The following S100A7A variants were observed in gnomAD, a reference collection of about 807,000 sequenced individuals.
S100A7A encodes the protein protein S100-A7A.
S100A7A carries 5 observed loss-of-function variants against 4.0 expected under a neutral mutation model. The observed-to-expected ratio is 1.26, with a 90% CI of 0.66 to 2.66. S100A7A has a LOEUF of 2.66. Ranked by LOEUF, S100A7A falls within the 30% of genes most tolerant of loss-of-function variation. The pLI, the probability that S100A7A is intolerant of heterozygous loss-of-function variation, is 0.01. For synonymous variants in S100A7A, 52 were observed against 46.4 expected, an observed-to-expected ratio of 1.12 and a Z score of -0.49; for missense variants, 159 against 125.1, an observed-to-expected ratio of 1.27 and a Z score of -1.29.
rs973030689 is a variant in S100A7A at position 153,420,415 on chromosome 1, A to G, written c.*1106A>G. ...CTTGAGGCTCACATCATGTGTCCCT[A>G]TCACTCTTACTACTCTGGTCAGTCT... is the stretch of plus-strand genomic sequence containing the variant. On this transcript the variant is annotated 3_prime_UTR_variant, in exon 3 of 3. Transcript: ENST00000368729. 13 of 152,176 alleles carry G rather than the reference A, an allele frequency of 8.5e-5. No homozygotes were observed. Among genetic ancestry groups the G allele is most frequent in the African/African-American group, 3.1e-4 (13 of 41,426 alleles). The allele number at this position is 152,176 out of a possible 1,614,324, so 9.4% of individuals were successfully genotyped here.
chr1:153,416,796 C>G (rs1040448681), intron 1 of S100A7A, among the ~76,000 whole-genome samples: 1 of 152,222 alleles, frequency 6.6e-6, no homozygotes, highest in African/African-American at 2.4e-5. Flanking sequence ...TGAGACAACT[C>G]CTGTGGAAAT....
chr1:153,421,780 G>A lies in S100A7A; in HGVS notation c.*2471G>A, dbSNP rs1329303699. The A allele has an allele frequency of 6.6e-6, 1 of 152,216 alleles. No individual in the cohort carries two copies. The highest frequency in any genetic ancestry group is 1.5e-5 in the Non-Finnish European group (1 of 68,036). The allele number at this position is 152,216 out of a possible 1,614,324, so 9.4% of individuals were successfully genotyped here. A position where few individuals can be genotyped will look rare whatever the true frequency, so the allele number is the denominator to read the frequency against. The stretch of plus-strand genomic sequence containing the variant: ...AGGCAATTGGCCACTCCTAATGTGG[G>A]CCTGCCCTCCCTTTATTTTTCCAGT... On this transcript the variant is annotated 3_prime_UTR_variant, in exon 3 of 3. Transcript: ENST00000368729.
Position 153,419,202 on chromosome 1 carries a change from G to A in S100A7A, c.199G>A (p.Asp67Asn). 6.2e-7 allele frequency: 1 copy of A among 1,614,180 alleles called. No individual in the cohort carries two copies. Among genetic ancestry groups the A allele is most frequent in the Non-Finnish European group, 8.5e-7 (1 of 1,180,032 alleles). The change falls in exon 3 of 3, where the codon GAT becomes AAT. Residue 67 changes from aspartate (D) to asparagine (N), a missense_variant. Coordinates refer to ENST00000368729, the MANE Select transcript of S100A7A (RefSeq NM_176823.4). ...TVFEKKDKNEDKKIDFSEFLS... is the reference protein window; with the variant it reads ...TVFEKKDKNENKKIDFSEFLS... ...CTTTGAGAAAAAGGACAAGAATGAG[G>A]ATAAGAAGATTGATTTTTCTGAGTT...
Position 153,417,883 on chromosome 1 carries a change from T to C in S100A7A, c.-17-183T>C, listed in dbSNP as rs1343904335. 14 of 685,064 alleles carry C rather than the reference T, an allele frequency of 2.0e-5. No homozygotes were observed. The African/African-American group carries it at 2.4e-4, about 12-fold the overall frequency. 42.4% of individuals were successfully genotyped at this position (685,064 alleles called of 1,614,324 possible). Reference sequence around the variant, plus strand: ...TTGGCCCTGGCCAGGATGGGCCGGGTCTCAGACTTGGTCCTACCCTCTCAT... The same window carrying C: ...TTGGCCCTGGCCAGGATGGGCCGGGCCTCAGACTTGGTCCTACCCTCTCAT... On this transcript the variant is annotated intron_variant, in intron 1 of 2. Coordinates refer to ENST00000368729, the MANE Select transcript of S100A7A (RefSeq NM_176823.4).
At position 153,420,507 on chromosome 1, in the gene S100A7A, C is replaced by G. The variant is rs1387799966; in HGVS notation, c.*1198C>G. On this transcript the variant is annotated 3_prime_UTR_variant, in exon 3 of 3. Transcript: ENST00000368729. ...ATCAGGCAAACATCTCAAAAATTCT[C>G]TTTCCATCCTACCAGCAGCAGTGTG... The G allele has an allele frequency of 6.6e-6, 1 of 152,356 alleles. No individual in the cohort carries two copies. The highest frequency in any genetic ancestry group is 1.5e-5 in the Non-Finnish European group (1 of 68,166). The allele number at this position is 152,356 out of a possible 1,614,324, so 9.4% of individuals were successfully genotyped here. A position where few individuals can be genotyped will look rare whatever the true frequency, so the allele number is the denominator to read the frequency against.
At position 153,419,448 on chromosome 1, in the gene S100A7A, T is replaced by G; in HGVS notation, c.*139T>G. On this transcript the variant is annotated 3_prime_UTR_variant, in exon 3 of 3. Coordinates refer to ENST00000368729, the MANE Select transcript of S100A7A (RefSeq NM_176823.4). ...ATTCCAGGTTAACTTTGTTGGAGAA[T>G]TTCCCCCACCCCCATCCAGTGGGTC... 1 of 1,000,172 alleles carries G rather than the reference T, an allele frequency of 1.0e-6. No homozygotes were observed. 62.0% of individuals were successfully genotyped at this position (1,000,172 alleles called of 1,614,324 possible). A position where few individuals can be genotyped will look rare whatever the true frequency, so the allele number is the denominator to read the frequency against.
intron 2 of S100A7A, 147 bp downstream of exon 2, chr1:153,418,370 G>A: frequency 9.0e-7 from 1 of 1,107,614 alleles, no homozygotes; most frequent in East Asian, 2.4e-5. Context: ...TGGATCATAT[G>A]TGAATCTAAG....
In S100A7A at chr1:153,418,114, T is replaced by C. The variant is rs1203244847; in HGVS notation, c.32T>C (p.Ile11Thr). The change falls in exon 2 of 3, where the codon ATA becomes ACA. Residue 11 changes from isoleucine to threonine, a missense_variant. Ile to Thr is a moderately conservative substitution (Grantham distance 89). Coordinates refer to ENST00000368729, the MANE Select transcript of S100A7A (RefSeq NM_176823.4). ...AACACTCAAGCTGAGAGGTCCATAA[T>C]AGGCATGATCGACATGTTTCACAAA... Reference protein sequence around the residue: MSNTQAERSIIGMIDMFHKYT... With the variant: MSNTQAERSITGMIDMFHKYT... 3 of 1,614,060 alleles carry C rather than the reference T, an allele frequency of 1.9e-6. No homozygotes were observed. The African/African-American group carries it at 4.0e-5, about 22-fold the overall frequency.
Position 153,421,591 on chromosome 1 carries a change from G to A in S100A7A, c.*2282G>A, listed in dbSNP as rs541494591. The A allele has an allele frequency of 6.6e-6, 1 of 152,212 alleles. No individual in the cohort carries two copies. Among genetic ancestry groups the A allele is most frequent in the Non-Finnish European group, 1.5e-5 (1 of 68,070 alleles). The allele number at this position is 152,212 out of a possible 1,614,324, so 9.4% of individuals were successfully genotyped here. A position where few individuals can be genotyped will look rare whatever the true frequency, so the allele number is the denominator to read the frequency against. ...CCTGGAGGCAGGTTGTGCAGCTTAGGGGAGGACCCCAGAATCTGGACCCCA... is the reference window on the plus strand; with the variant it reads ...CCTGGAGGCAGGTTGTGCAGCTTAGAGGAGGACCCCAGAATCTGGACCCCA... On this transcript the variant is annotated 3_prime_UTR_variant, in exon 3 of 3. Coordinates refer to ENST00000368729, the MANE Select transcript of S100A7A (RefSeq NM_176823.4).
rs778036026 is a variant in S100A7A at position 153,418,237 on chromosome 1, T to C, written c.141+14T>C. On this transcript the variant is annotated intron_variant, in intron 2 of 2. Coordinates refer to ENST00000368729, the MANE Select transcript of S100A7A (RefSeq NM_176823.4). ...CTCAGTGCCTGTGTGAGTTGGGGTCTAGCTTCTCAATGTTGGTTGGACCCT... is the reference window on the plus strand; with the variant it reads ...CTCAGTGCCTGTGTGAGTTGGGGTCCAGCTTCTCAATGTTGGTTGGACCCT... 6.2e-7 allele frequency: 1 copy of C among 1,613,896 alleles called. No homozygotes were observed. Among genetic ancestry groups the C allele is most frequent in the South Asian group, 1.1e-5 (1 of 91,054 alleles).
chr1:153,417,505 C>A (rs868011185), intron 1 of S100A7A, among the ~76,000 whole-genome samples: 4 of 152,280 alleles, frequency 2.6e-5, no homozygotes, highest in African/African-American at 9.6e-5. Context: ...GTTTCCTGCT[C>A]ACACTCATGT....
At position 153,418,075 on chromosome 1, in the gene S100A7A, A is replaced by G. The variant is rs368834457; in HGVS notation, c.-8A>G. 60 of 1,613,382 alleles carry G rather than the reference A, an allele frequency of 3.7e-5. 1 individual carries two copies. Among genetic ancestry groups the G allele is most frequent in the Non-Finnish European group, 6.8e-6 (8 of 1,179,566 alleles). On this transcript the variant is annotated 5_prime_UTR_variant, in exon 2 of 3. Coordinates refer to ENST00000368729, the MANE Select transcript of S100A7A (RefSeq NM_176823.4). ...TCTTTATTTCCTGAAGGCTTTTTGA[A>G]AGCAAAGATGAGCAACACTCAAGCT...
rs1404889754 is a variant in S100A7A at position 153,420,518 on chromosome 1, A to T, written c.*1209A>T. 2.0e-5 allele frequency: 3 copies of T among 152,244 alleles called. No individual in the cohort carries two copies. The highest frequency in any genetic ancestry group is 7.2e-5 in the African/African-American group (3 of 41,416). 9.4% of individuals were successfully genotyped at this position (152,244 alleles called of 1,614,324 possible). ...ATCTCAAAAATTCTCTTTCCATCCT[A>T]CCAGCAGCAGTGTGTAAGATGGGCT... is the stretch of plus-strand genomic sequence containing the variant. On this transcript the variant is annotated 3_prime_UTR_variant, in exon 3 of 3. Coordinates refer to ENST00000368729, the MANE Select transcript of S100A7A (RefSeq NM_176823.4).
chr1:153,422,453 A>C lies in S100A7A; in HGVS notation c.*3144A>C. ...ATTTACTTGATTTGGAATAATTAAT[A>C]GCTACTGGACATTATATTGGTACTA... On this transcript the variant is annotated 3_prime_UTR_variant, in exon 3 of 3. Coordinates refer to ENST00000368729, the MANE Select transcript of S100A7A (RefSeq NM_176823.4). The C allele has an allele frequency of 1.1e-6, 1 of 914,362 alleles. No homozygotes were observed. The highest frequency in any genetic ancestry group is 1.3e-6 in the Non-Finnish European group (1 of 765,190). 56.6% of individuals were successfully genotyped at this position (914,362 alleles called of 1,614,324 possible). A position where few individuals can be genotyped will look rare whatever the true frequency, so the allele number is the denominator to read the frequency against.
In S100A7A at chr1:153,418,329, G is replaced by C. The variant is rs544480278; in HGVS notation, c.141+106G>C. On this transcript the variant is annotated intron_variant, in intron 2 of 2. Transcript: ENST00000368729. ...GTCACCCTCATCCTCTGATTAAAAA[G>C]TTTCCCATTTGCAAATAGGGCTTTA... 4 of 1,480,150 alleles carry C rather than the reference G, an allele frequency of 2.7e-6. No individual in the cohort carries two copies. In the African/African-American group the frequency reaches 4.2e-5, roughly 16 times the overall value. The allele number at this position is 1,480,150 out of a possible 1,614,324, so 91.7% of individuals were successfully genotyped here.
chr1:153,419,592 G>A lies in S100A7A; in HGVS notation c.*283G>A. On this transcript the variant is annotated 3_prime_UTR_variant, in exon 3 of 3. Transcript: ENST00000368729. ...CCGTTCCCTAAATGCAGCCACCTTG[G>A]CAGGTTCCAGGTGGAAGTTGGTAGA... 2.4e-6 allele frequency: 1 copy of A among 420,756 alleles called. No homozygotes were observed. Among genetic ancestry groups the A allele is most frequent in the Non-Finnish European group, 4.2e-6 (1 of 235,446 alleles). The allele number at this position is 420,756 out of a possible 1,614,324, so 26.1% of individuals were successfully genotyped here.
intron 1 of S100A7A, 76 bp from the exon 2 acceptor site, chr1:153,417,990 G>A: frequency 6.4e-7 from 1 of 1,564,688 alleles, no homozygotes; most frequent in East Asian, 2.2e-5. Flanking sequence ...TCTGTCCTCA[G>A]CCCTCCTTCT....
chr1:153,419,317 C>G lies in S100A7A; in HGVS notation c.*8C>G, dbSNP rs1257173370. On this transcript the variant is annotated 3_prime_UTR_variant, in exon 3 of 3. Transcript: ENST00000368729. ...TCTGGGGGAAGCCAGTGATCCAGCC[C>G]CACCAAGGGGCCTCCAGAGACCCCA... The G allele has an allele frequency of 6.2e-7, 1 of 1,612,668 alleles. No individual in the cohort carries two copies. Among genetic ancestry groups the G allele is most frequent in the Admixed American group, 1.7e-5 (1 of 59,692 alleles).
Position 153,422,125 on chromosome 1 carries a change from G to A in S100A7A, c.*2816G>A, listed in dbSNP as rs1278889528. 1 of 152,238 alleles carries A rather than the reference G, an allele frequency of 6.6e-6. No individual in the cohort carries two copies. Among genetic ancestry groups the A allele is most frequent in the African/African-American group, 2.4e-5 (1 of 41,454 alleles). The allele number at this position is 152,238 out of a possible 1,614,324, so 9.4% of individuals were successfully genotyped here. On this transcript the variant is annotated 3_prime_UTR_variant, in exon 3 of 3. Transcript: ENST00000368729. ...AGATATTGCTGATTTGCTATGGCAG[G>A]TCGTCAAGAGAACTGTGTCATTCCA... is the stretch of plus-strand genomic sequence containing the variant.
Sources: allele counts gnomAD v4.1 joint callset (sites outside exome capture counted in the v4.1 genomes callset), GRCh38; gene constraint gnomAD v4.1.1; transcripts MANE v1.5; gene names NCBI Gene and HGNC (gene_info 2026-07-23, HGNC 2026-07-21).